Variants in EYS observed in about 807,000 individuals in gnomAD.
EYS encodes the protein EGF-like photoreceptor maintenance factor.
In EYS, 250 loss-of-function variants were observed where a neutral mutation model predicts 282.1. The ratio of observed to expected loss-of-function variants is 0.89; its 90% CI spans 0.80 to 0.98. The LOEUF (loss-of-function observed/expected upper bound fraction) is 0.98, where lower values mean the gene tolerates loss of function less well. EYS is among the 50% of genes least tolerant of loss of function. The pLI is 0.00. For missense variants in EYS, 4,016 were observed against 3,709.0 expected, an observed-to-expected ratio of 1.08 and a Z score of -2.15; for synonymous variants, 1,355 against 1,282.9, an observed-to-expected ratio of 1.06 and a Z score of -1.20.
chr6:65,360,584 T>G (rs1764665572), intron 8 of EYS, among the ~76,000 whole-genome samples: 1 of 152,172 alleles, frequency 6.6e-6, no homozygotes, highest in South Asian at 2.1e-4. Flanking sequence ...ATTATTACTT[T>G]AACATTTTTC....
At chr6:64,734,352 T>G (rs1176736988) in intron 22 of EYS, among the ~76,000 whole-genome samples, 5 of 152,176 alleles carry the variant, frequency 3.3e-5, no homozygotes, top group Non-Finnish European at 5.9e-5. Context: ...TAAGTTTTGT[T>G]TGAAGCTTTG....
At chr6:63,937,395 T>G (rs868459044) in intron 35 of EYS, among the ~76,000 whole-genome samples, 2,051 of 109,620 alleles carry the variant, frequency 0.019, 85 homozygotes, top group African/African-American at 0.073. Flanking sequence ...TTTTTTTTTT[T>G]TTTGAGACGG....
chr6:64,312,941 G>C (rs539893885), intron 29 of EYS, among the ~76,000 whole-genome samples: 2 of 102,962 alleles, frequency 1.9e-5, no homozygotes, highest in East Asian at 5.2e-4. Flanking sequence ...CAGTGCAAAA[G>C]GCTGAAAATT....
intron 35 of EYS, among the ~76,000 whole-genome samples, chr6:63,956,550 T>C (rs1302257818): frequency 3.3e-5 from 5 of 152,176 alleles, no homozygotes; most frequent in African/African-American, 7.2e-5. Flanking sequence ...CTTTTTCCCA[T>C]AGAACGTTTG....
At chr6:64,026,162 C>A (rs1769497390) in intron 33 of EYS, among the ~76,000 whole-genome samples, 1 of 152,042 alleles carries the variant, frequency 6.6e-6, no homozygotes, top group Admixed American at 6.6e-5. Flanking sequence ...GTTGTTTCTG[C>A]TGCTGCATCA....
chr6:65,354,354 A>AG (rs1179091048), intron 8 of EYS, among the ~76,000 whole-genome samples: 1 of 151,810 alleles, frequency 6.6e-6, no homozygotes, highest in Non-Finnish European at 1.5e-5. Flanking sequence ...GCAGAGAAAA[A>AG]CACAGCTGAG....
intron 2 of EYS, among the ~76,000 whole-genome samples, chr6:65,563,729 T>A (rs1475872632): frequency 2.0e-5 from 3 of 152,222 alleles, no homozygotes; most frequent in East Asian, 1.9e-4. Context: ...GATAGGCAGA[T>A]AATAGTAGGG....
chr6:64,452,111 C>CA (rs548361448), intron 26 of EYS, among the ~76,000 whole-genome samples: 1 of 152,070 alleles, frequency 6.6e-6, no homozygotes, highest in Non-Finnish European at 1.5e-5. Context: ...TAGAAAACCC[C>CA]TCGTCTCAGC....
intron 1 of EYS, among the ~76,000 whole-genome samples, chr6:65,664,334 G>A (rs1038988864): frequency 7.9e-5 from 12 of 152,236 alleles, no homozygotes; most frequent in African/African-American, 2.4e-4. Context: ...TGGGTCATTA[G>A]GGTTCAAGAA....
At chr6:64,819,440 A>G (rs973419288) in intron 21 of EYS, among the ~76,000 whole-genome samples, 4 of 152,096 alleles carry the variant, frequency 2.6e-5, no homozygotes, top group Non-Finnish European at 5.9e-5. Flanking sequence ...ATCGTCCAAA[A>G]ACTAACCCAT....
intron 35 of EYS, among the ~76,000 whole-genome samples, chr6:63,925,700 G>A (rs1764696301): frequency 6.6e-6 from 1 of 152,206 alleles, no homozygotes; most frequent in Admixed American, 6.5e-5. Flanking sequence ...CTGGAGTGCA[G>A]TGGCACGATC....
chr6:64,720,191 T>G (rs1475174294), intron 22 of EYS, among the ~76,000 whole-genome samples: 3 of 152,170 alleles, frequency 2.0e-5, no homozygotes, highest in Non-Finnish European at 1.5e-5. Flanking sequence ...AGCTGTTAGC[T>G]TATAGCTCCT....
rs1411892505 is a variant in EYS, at chr6:64,732,290, C to A, written c.3443+81088G>T. ...AAACCTGCATGTTCTGCACATGTAT[C>A]CCAGAACTTAAAGTATTAAAAAAAA... On this transcript the variant is annotated intron_variant, in intron 22 of 42. Transcript: ENST00000503581. Among the ~76,000 whole-genome samples the A allele has an allele frequency of 8.6e-5, 13 of 151,114 alleles. No individual in the cohort carries two copies. In the South Asian group the frequency reaches 2.5e-3, roughly 29 times the overall value.
chr6:64,993,258 C>T (rs1771132686), intron 14 of EYS, among the ~76,000 whole-genome samples: 3 of 151,854 alleles, frequency 2.0e-5, no homozygotes, highest in South Asian at 4.1e-4. Flanking sequence ...CAAGTCTTTG[C>T]TATTGTGAAT....
chr6:65,632,241 T>C (rs1333945506), intron 2 of EYS, among the ~76,000 whole-genome samples: 1 of 152,196 alleles, frequency 6.6e-6, no homozygotes, highest in African/African-American at 2.4e-5. Context: ...CTTATATTCT[T>C]ATCTGGATGC....
chr6:64,067,930 G>T (rs534043555), intron 32 of EYS, among the ~76,000 whole-genome samples: 1 of 151,350 alleles, frequency 6.6e-6, no homozygotes, highest in Admixed American at 6.6e-5. Flanking sequence ...CTAGGCTTTC[G>T]TTACTGTGAA....
chr6:64,860,793 G>A (rs1176743428), intron 19 of EYS, among the ~76,000 whole-genome samples: 1 of 152,216 alleles, frequency 6.6e-6, no homozygotes, highest in Non-Finnish European at 1.5e-5. Context: ...GTAGACAAGT[G>A]GAGGATGAGC....
intron 22 of EYS, among the ~76,000 whole-genome samples, chr6:64,691,515 A>G (rs933437124): frequency 6.6e-6 from 1 of 152,170 alleles, no homozygotes; most frequent in Non-Finnish European, 1.5e-5. Context: ...TTCAGTTTCA[A>G]CTTCTCTTTA....
At chr6:64,225,308 T>C (rs561896863) in intron 31 of EYS, among the ~76,000 whole-genome samples, 1 of 152,108 alleles carries the variant, frequency 6.6e-6, no homozygotes, top group African/African-American at 2.4e-5. Context: ...CTCCTGAAGA[T>C]GTCCAAAGCC....
Sources: gnomAD v4.1 joint callset for allele counts (sites outside exome capture counted in the v4.1 genomes callset) on GRCh38, gnomAD v4.1.1 for gene constraint, MANE v1.5 for transcripts, NCBI Gene and HGNC (gene_info 2026-07-23, HGNC 2026-07-21) for gene names.